Variants in CCDC141 observed in about 807,000 individuals in gnomAD.
The protein encoded by CCDC141 is coiled-coil domain-containing protein 141.
CCDC141 carries 168 observed loss-of-function variants against 181.0 expected under a neutral mutation model. The observed-to-expected ratio is 0.93, with a 90% CI of 0.82 to 1.05. The LOEUF (loss-of-function observed/expected upper bound fraction) is 1.05, where lower values mean the gene tolerates loss of function less well. Ranked by LOEUF, CCDC141 falls within the 50% of genes least tolerant of loss-of-function variation. The pLI is 0.00. For missense variants in CCDC141, 1,902 were observed against 1,788.5 expected (o/e 1.06, Z -1.14); for synonymous variants, 666 against 642.3 (o/e 1.04, Z -0.56).
intron 4 of CCDC141, among the ~76,000 whole-genome samples, chr2:178,963,538 A>G (rs1299887634): frequency 6.6e-6 from 1 of 152,168 alleles, no homozygotes; most frequent in African/African-American, 2.4e-5. Flanking sequence ...TGTGATTAGT[A>G]TAGCTCAGTG....
chr2:178,941,789 CA>C (rs112697064), intron 6 of CCDC141, among the ~76,000 whole-genome samples: 14 of 144,436 alleles, frequency 9.7e-5, no homozygotes, highest in Middle Eastern at 3.5e-3. Context: ...CCCGTCTCTA[CA>C]AAAAAAAAAT....
intron 2 of CCDC141, among the ~76,000 whole-genome samples, chr2:179,015,067 G>GATATATAT (rs1177070237): frequency 0.016 from 615 of 39,308 alleles, 12 homozygotes; most frequent in South Asian, 0.021. Flanking sequence ...GAGAGACAGA[G>GATATATAT]ATATATATAT....
intron 21 of CCDC141, among the ~76,000 whole-genome samples, chr2:178,846,803 C>T (rs1293950290): frequency 2.0e-5 from 3 of 152,080 alleles, no homozygotes; most frequent in Admixed American, 6.5e-5. Flanking sequence ...GCCTTCTTTT[C>T]GTCTCAACAT....
chr2:179,009,069 T>C (rs1331733535), intron 2 of CCDC141, among the ~76,000 whole-genome samples: 2 of 152,220 alleles, frequency 1.3e-5, no homozygotes, highest in East Asian at 3.8e-4. Context: ...GCTCTCCTAA[T>C]GCTGTGCATG....
chr2:178,860,753 G>T (rs1575139952), intron 17 of CCDC141, among the ~76,000 whole-genome samples: 1 of 151,582 alleles, frequency 6.6e-6, no homozygotes, highest in South Asian at 2.1e-4. Flanking sequence ...TGTGCTTGAG[G>T]CCAGCCGCTA....
chr2:178,873,900 T>G (rs1010480114), intron 12 of CCDC141: 3 of 152,224 alleles, frequency 2.0e-5, no homozygotes, highest in African/African-American at 7.2e-5. Context: ...GTATCCCAGA[T>G]AGCATTCTTG....
In CCDC141 at chr2:178,888,921, T is replaced by C. The variant is rs1687015749; in HGVS notation, c.1266-253A>G. ...GGTCTAATCTTCTTTTCTAAAGGCT[T>C]ACTTTTTAATATTTCTGTAGGATAT... On this transcript the variant is annotated intron_variant, in intron 8 of 23. Coordinates refer to ENST00000443758, the MANE Select transcript of CCDC141 (RefSeq NM_173648.4). Among the ~76,000 whole-genome samples, 2 of 152,204 alleles carry C rather than the reference T, an allele frequency of 1.3e-5. 1 individual carries two copies. Among genetic ancestry groups the C allele is most frequent in the South Asian group, 4.1e-4 (2 of 4,832 alleles).
At chr2:179,007,563 C>T (rs2042150826) in intron 2 of CCDC141, among the ~76,000 whole-genome samples, 1 of 152,112 alleles carries the variant, frequency 6.6e-6, no homozygotes, top group Non-Finnish European at 1.5e-5. Flanking sequence ...TTCTGACTGC[C>T]CATTCAGCAC....
intron 2 of CCDC141, among the ~76,000 whole-genome samples, chr2:178,988,487 A>G (rs1156351469): frequency 1.7e-5 from 1 of 57,956 alleles, no homozygotes; most frequent in South Asian, 4.4e-4. Context: ...AATAAATAAT[A>G]AAAAAAAAGA....
intron 11 of CCDC141, among the ~76,000 whole-genome samples, chr2:178,883,415 C>T (rs1686720490): frequency 6.6e-6 from 1 of 151,612 alleles, no homozygotes; most frequent in African/African-American, 2.4e-5. Context: ...CCACAAAAAT[C>T]AAAAATTAAG....
intron 8 of CCDC141, among the ~76,000 whole-genome samples, chr2:178,901,149 G>A (rs1374179965): frequency 2.0e-5 from 3 of 152,070 alleles, no homozygotes; most frequent in Non-Finnish European, 2.9e-5. Context: ...TCAGCTACAT[G>A]GTGATCTCCC....
At chr2:178,851,402 TG>T (rs1243392253) in intron 20 of CCDC141, among the ~76,000 whole-genome samples, 1 of 152,090 alleles carries the variant, frequency 6.6e-6, no homozygotes, top group Non-Finnish European at 1.5e-5. Context: ...AGAATGTAAC[TG>T]TATTTGGAAA....
chr2:179,019,949 T>C (rs1248371590), intron 2 of CCDC141, among the ~76,000 whole-genome samples: 1 of 151,772 alleles, frequency 6.6e-6, no homozygotes, highest in Non-Finnish European at 1.5e-5. Flanking sequence ...CGAGACAGAG[T>C]TTCACCATGT....
At chr2:178,917,755 C>A (rs1688516131) in intron 7 of CCDC141, among the ~76,000 whole-genome samples, 1 of 152,186 alleles carries the variant, frequency 6.6e-6, no homozygotes, top group Non-Finnish European at 1.5e-5. Context: ...GCAGGAACCA[C>A]CTGCTGCAAT....
At chr2:178,913,766 T>C (rs1251368288) in intron 7 of CCDC141, among the ~76,000 whole-genome samples, 1 of 152,212 alleles carries the variant, frequency 6.6e-6, no homozygotes, top group African/African-American at 2.4e-5. Context: ...TGCTTCATCT[T>C]TGCTTTCAGG....
chr2:179,026,916 C>T (rs568082785), intron 2 of CCDC141, among the ~76,000 whole-genome samples: 7 of 152,196 alleles, frequency 4.6e-5, no homozygotes, highest in Non-Finnish European at 7.3e-5. Flanking sequence ...GGGCCTATAG[C>T]CCCTTTGTTT....
At chr2:178,995,114 T>G (rs1224239898) in intron 2 of CCDC141, among the ~76,000 whole-genome samples, 2 of 152,342 alleles carry the variant, frequency 1.3e-5, no homozygotes, top group Middle Eastern at 3.4e-3. Flanking sequence ...TTCAGGTATC[T>G]TTTCAGCAGC....
At position 179,017,549 on chromosome 2, in the gene CCDC141, T is replaced by C. The variant is rs1489813377; in HGVS notation, c.225+29735A>G. Among the ~76,000 whole-genome samples, 4 of 152,128 alleles carry C rather than the reference T, an allele frequency of 2.6e-5. No individual in the cohort carries two copies. The East Asian group carries it at 7.7e-4, about 29-fold the overall frequency. On this transcript the variant is annotated intron_variant, in intron 2 of 23. Coordinates refer to ENST00000443758, the MANE Select transcript of CCDC141 (RefSeq NM_173648.4). ...TTCTTGTTGGTGCCATCTTTAAACT[T>C]GAAGAAAGTGGCAGCTAGTTTACAC... is the stretch of plus-strand genomic sequence containing the variant.
chr2:179,031,224 G>A (rs867128802), intron 2 of CCDC141, among the ~76,000 whole-genome samples: 47 of 150,832 alleles, frequency 3.1e-4, no homozygotes, highest in African/African-American at 1.1e-3. Flanking sequence ...TTCTTCTTGA[G>A]TAGTTTTCGT....
Sources: allele counts gnomAD v4.1 joint callset (sites outside exome capture counted in the v4.1 genomes callset), GRCh38; gene constraint gnomAD v4.1.1; transcripts MANE v1.5; gene names NCBI Gene and HGNC (gene_info 2026-07-23, HGNC 2026-07-21).